The following WDFY3 variants were observed in gnomAD, a reference collection of about 807,000 sequenced individuals.
WDFY3 encodes WD repeat and FYVE domain-containing protein 3.
WDFY3 carries 66 observed loss-of-function variants against 409.6 expected under a neutral mutation model. That is an observed-to-expected ratio of 0.16 (90% confidence interval 0.13 to 0.20). The LOEUF is 0.20. Among genes scored for constraint, WDFY3 ranks in the 10% least tolerant of loss-of-function variants. The pLI is 1.00. For synonymous variants in WDFY3, 1,521 were observed against 1,537.1 expected, an observed-to-expected ratio of 0.99 and a Z score of 0.25; for missense variants, 3,031 against 4,298.1, an observed-to-expected ratio of 0.71 and a Z score of 8.24.
chr4:84,737,115 A>G, intron 41 of WDFY3, 69 bp downstream of exon 41: 1 of 1,546,050 alleles, frequency 6.5e-7, no homozygotes. Flanking sequence ...GTAGTCACAT[A>G]TTTAAAGTAT....
intron 3 of WDFY3, among the ~76,000 whole-genome samples, chr4:84,881,215 T>C (rs1000583297): frequency 2.0e-5 from 3 of 152,178 alleles, no homozygotes. Flanking sequence ...TTTCAATCTG[T>C]GTATTATTCT....
At chr4:84,926,633 G>C (rs920965665) in intron 2 of WDFY3, among the ~76,000 whole-genome samples, 8 of 151,994 alleles carry the variant, frequency 5.3e-5, no homozygotes, top group African/African-American at 1.9e-4. Flanking sequence ...CATAAAATTT[G>C]CAACATTATT....
intron 62 of WDFY3, among the ~76,000 whole-genome samples, chr4:84,686,411 G>A (rs17367997): frequency 0.016 from 2,468 of 152,272 alleles, 33 homozygotes; most frequent in Non-Finnish European, 0.027. Context: ...ACCTGAGTAC[G>A]TCTGCCATTA....
intron 56 of WDFY3, among the ~76,000 whole-genome samples, chr4:84,701,685 C>T (rs1185242330): frequency 6.6e-6 from 1 of 152,210 alleles, no homozygotes; most frequent in African/African-American, 2.4e-5. Flanking sequence ...CTTCCTCTAA[C>T]AGCCAGATAA....
At chr4:84,929,403 A>T (rs1323282779) in intron 2 of WDFY3, among the ~76,000 whole-genome samples, 1 of 151,874 alleles carries the variant, frequency 6.6e-6, no homozygotes, top group Non-Finnish European at 1.5e-5. Flanking sequence ...AAAACAGATA[A>T]TGTTTGCAGT....
intron 5 of WDFY3, among the ~76,000 whole-genome samples, chr4:84,848,048 C>T (rs191850328): frequency 2.6e-5 from 4 of 151,558 alleles, no homozygotes; most frequent in Admixed American, 6.6e-5. Context: ...GAGGAACAGT[C>T]TAAGAGGTCA....
At chr4:84,704,575 T>C (rs753918110) in intron 54 of WDFY3, 131 bp from the exon 55 acceptor site, 1 of 617,428 alleles carries the variant, frequency 1.6e-6, no homozygotes, top group Admixed American at 3.5e-5. Flanking sequence ...GTACTGGCAT[T>C]TGCAGCAGGA....
intron 27 of WDFY3, among the ~76,000 whole-genome samples, chr4:84,777,768 A>G (rs907615797): frequency 6.6e-6 from 1 of 152,118 alleles, no homozygotes; most frequent in African/African-American, 2.4e-5. Context: ...CAAAGAAGAT[A>G]AACATGATTT....
intron 26 of WDFY3, 106 bp downstream of exon 26, chr4:84,780,002 T>C: frequency 8.0e-7 from 1 of 1,252,666 alleles, no homozygotes; most frequent in Non-Finnish European, 1.1e-6. Context: ...TAAGTTTCCT[T>C]GGACAATATA....
chr4:84,769,970 C>G (rs1467832543), intron 30 of WDFY3, among the ~76,000 whole-genome samples: 2 of 152,086 alleles, frequency 1.3e-5, no homozygotes, highest in African/African-American at 4.8e-5. Flanking sequence ...TTACAATTTG[C>G]TGAAGGCTCA....
At chr4:84,778,482 C>A in intron 27 of WDFY3, 21 bp downstream of exon 27, 2 of 1,542,778 alleles carry the variant, frequency 1.3e-6, no homozygotes, top group South Asian at 2.5e-5. Context: ...TATATATTAT[C>A]AATTATGCTT....
chr4:84,817,130 C>T (rs1026914208), intron 13 of WDFY3, among the ~76,000 whole-genome samples: 2 of 151,972 alleles, frequency 1.3e-5, no homozygotes, highest in Admixed American at 6.6e-5. Flanking sequence ...TAATTAAGAT[C>T]CTATACTTCA....
At chr4:84,677,082 C>G (rs1386972040) in intron 67 of WDFY3, 117 bp downstream of exon 67, 1 of 1,185,514 alleles carries the variant, frequency 8.4e-7, no homozygotes, top group Non-Finnish European at 1.2e-6. Context: ...CTGGTTCATA[C>G]CAACAAGGCA....
intron 5 of WDFY3, among the ~76,000 whole-genome samples, chr4:84,847,802 C>CAAAAAAAAAAAACA (rs1216270148): frequency 2.0e-5 from 2 of 100,084 alleles, no homozygotes; most frequent in African/African-American, 3.7e-5. Flanking sequence ...AAAAAAAAAA[C>CAAAAAAAAAAAACA]AAAAAAAAAC....
At chr4:84,949,504 T>C (rs1773329396) in intron 1 of WDFY3, among the ~76,000 whole-genome samples, 2 of 152,328 alleles carry the variant, frequency 1.3e-5, no homozygotes, top group South Asian at 4.1e-4. Context: ...AGAAGCAATT[T>C]CTTAATGCAA....
chr4:84,763,729 A>C (rs1578413311), intron 32 of WDFY3, among the ~76,000 whole-genome samples: 1 of 152,264 alleles, frequency 6.6e-6, no homozygotes, highest in African/African-American at 2.4e-5. Flanking sequence ...GGGAAAATTA[A>C]GTTAAGTGGG....
chr4:84,817,532 G>A lies in WDFY3; in HGVS notation c.1747C>T (p.Pro583Ser). The A allele has an allele frequency of 6.2e-7, 1 of 1,613,612 alleles. No homozygotes were observed. Among genetic ancestry groups the A allele is most frequent in the Non-Finnish European group, 8.5e-7 (1 of 1,179,754 alleles). ...ATCAAGGCATGCTGCCGGCATTGAG[G>A]GTACTTTACTATATTATGTGCACAT... ...ARCAHNIVKYPQCRQHALMTI... is the reference protein window; with the variant it reads ...ARCAHNIVKYSQCRQHALMTI... Residue 583 changes from proline to serine, a missense_variant, in exon 13 of 68, where the codon CCT becomes TCT. Pro to Ser is a moderately conservative substitution (Grantham distance 74). Coordinates refer to ENST00000295888, the MANE Select transcript of WDFY3 (RefSeq NM_014991.6).
At chr4:84,737,408 G>A in intron 40 of WDFY3, 42 bp from the exon 41 acceptor site, 2 of 1,513,164 alleles carry the variant, frequency 1.3e-6, no homozygotes, top group Middle Eastern at 2.2e-4. Context: ...GTAAGCAAAT[G>A]ATCAAAACAC....
At position 84,708,972 on chromosome 4, in the gene WDFY3, T is replaced by C; in HGVS notation, c.8154A>G (p.Arg2718=). 6.2e-7 allele frequency: 1 copy of C among 1,614,130 alleles called. No individual in the cohort carries two copies. The highest frequency in any genetic ancestry group is 8.5e-7 in the Non-Finnish European group (1 of 1,179,976). The part of the protein sequence containing the change: ...YLMHLNTLAG[R]SYNDLMQYPV... ...GATACTGCATGAGATCATTATATGA[T>C]CTGCCAGCCAAAGTGTTCAAATGCA... The change falls in exon 53 of 68, where the codon AGA becomes AGG. Residue 2718 remains arginine (R), a synonymous_variant. Coordinates refer to ENST00000295888, the MANE Select transcript of WDFY3 (RefSeq NM_014991.6).
Sources: gnomAD v4.1 joint callset for allele counts (sites outside exome capture counted in the v4.1 genomes callset) on GRCh38, gnomAD v4.1.1 for gene constraint, MANE v1.5 for transcripts, NCBI Gene and HGNC (gene_info 2026-07-23, HGNC 2026-07-21) for gene names.